Variants in NPAS2 observed in about 807,000 individuals in gnomAD.
NPAS2 encodes the protein neuronal PAS domain protein 2, also known as neuronal PAS domain-containing protein 2.
In NPAS2, 23 loss-of-function variants were observed where a neutral mutation model predicts 107.5. That is an observed-to-expected ratio of 0.21 (90% CI 0.15 to 0.30). The LOEUF (loss-of-function observed/expected upper bound fraction) is 0.30. Among genes scored for constraint, NPAS2 ranks in the 10% least tolerant of loss-of-function variants. NPAS2 has a pLI of 1.00. For synonymous variants in NPAS2, 403 were observed against 417.5 expected, an observed-to-expected ratio of 0.97 and a Z score of 0.42; for missense variants, 756 against 1,043.3, an observed-to-expected ratio of 0.72 and a Z score of 3.79.
chr2:100,885,861 A>C (rs1252843335), intron 1 of NPAS2, among the ~76,000 whole-genome samples: 2 of 152,026 alleles, frequency 1.3e-5, no homozygotes, highest in Non-Finnish European at 2.9e-5. Context: ...CAGCCTAGCC[A>C]TGTTGGCCAG....
intron 1 of NPAS2, among the ~76,000 whole-genome samples, chr2:100,866,223 T>C (rs1679243900): frequency 6.6e-6 from 1 of 152,206 alleles, no homozygotes; most frequent in Admixed American, 6.5e-5. Flanking sequence ...AAAGCATTCT[T>C]ACTCATCTTC....
At chr2:100,865,618 T>A (rs966776079) in intron 1 of NPAS2, among the ~76,000 whole-genome samples, 2 of 152,146 alleles carry the variant, frequency 1.3e-5, no homozygotes, top group African/African-American at 4.8e-5. Flanking sequence ...CTCAGAACCC[T>A]TGTTGAAAAT....
intron 5 of NPAS2, among the ~76,000 whole-genome samples, chr2:100,943,257 A>G (rs896524400): frequency 1.3e-5 from 2 of 152,234 alleles, no homozygotes; most frequent in Non-Finnish European, 1.5e-5. Flanking sequence ...AAGGTGTCTC[A>G]TGGAGTTGTA....
At chr2:100,921,356 C>T (rs936018366) in intron 2 of NPAS2, among the ~76,000 whole-genome samples, 1 of 152,154 alleles carries the variant, frequency 6.6e-6, no homozygotes, top group Non-Finnish European at 1.5e-5. Context: ...ACATGGTGCC[C>T]GTTACATACA....
chr2:100,882,921 T>G (rs1180817854), intron 1 of NPAS2, among the ~76,000 whole-genome samples: 1 of 152,200 alleles, frequency 6.6e-6, no homozygotes, highest in East Asian at 1.9e-4. Flanking sequence ...CCACTCCTTT[T>G]ACCTGTGTTT....
intron 14 of NPAS2, 48 bp downstream of exon 14, chr2:100,975,615 G>A: frequency 7.1e-7 from 1 of 1,405,814 alleles, no homozygotes; most frequent in Non-Finnish European, 9.8e-7. Context: ...CTACAATGTG[G>A]TGGGGGCTGC....
At chr2:100,859,605 G>A (rs1289670344) in intron 1 of NPAS2, among the ~76,000 whole-genome samples, 1 of 152,192 alleles carries the variant, frequency 6.6e-6, no homozygotes, top group Non-Finnish European at 1.5e-5. Flanking sequence ...CGCCAGGGGA[G>A]CGAGCAGAGC....
At chr2:100,935,195 C>A in intron 4 of NPAS2, 1 of 632,192 alleles carries the variant, frequency 1.6e-6, no homozygotes, top group Non-Finnish European at 2.0e-6. Flanking sequence ...CAAAAGGAGC[C>A]AAAGTGCCTG....
intron 3 of NPAS2, among the ~76,000 whole-genome samples, chr2:100,925,823 A>G (rs972288826): frequency 2.6e-5 from 4 of 152,200 alleles, no homozygotes; most frequent in Admixed American, 1.3e-4. Context: ...AAAATTCACC[A>G]TTTTAAAGTG....
At chr2:100,845,961 C>T (rs1426216015) in intron 1 of NPAS2, among the ~76,000 whole-genome samples, 11 of 152,220 alleles carry the variant, frequency 7.2e-5, no homozygotes, top group Admixed American at 7.2e-4. Flanking sequence ...GAACCGACCC[C>T]TCCTTCAGTC....
chr2:100,984,401 A>G (rs1677656468), intron 16 of NPAS2: 1 of 152,264 alleles, frequency 6.6e-6, no homozygotes, highest in South Asian at 2.1e-4. Context: ...AGATAAAATA[A>G]GAATGACAAA....
chr2:100,874,940 G>A (rs757242238), intron 1 of NPAS2, among the ~76,000 whole-genome samples: 1 of 152,076 alleles, frequency 6.6e-6, no homozygotes, highest in African/African-American at 2.4e-5. Context: ...CGGTGACTGT[G>A]GTGGGCCTCA....
chr2:100,931,766 G>C (rs2104935965), intron 3 of NPAS2, among the ~76,000 whole-genome samples: 1 of 152,228 alleles, frequency 6.6e-6, no homozygotes, highest in African/African-American at 2.4e-5. Context: ...TTACAGGCGT[G>C]AGCCACCGCG....
intron 3 of NPAS2, among the ~76,000 whole-genome samples, chr2:100,932,165 C>T (rs1305209350): frequency 1.3e-5 from 2 of 152,136 alleles, no homozygotes; most frequent in African/African-American, 2.4e-5. Flanking sequence ...TACATTTGAG[C>T]CACCTATAAT....
At chr2:100,982,055 G>A (rs2105280000) in intron 15 of NPAS2, among the ~76,000 whole-genome samples, 176 bp from the exon 16 acceptor site, 1 of 152,330 alleles carries the variant, frequency 6.6e-6, no homozygotes. Context: ...AGGATGCCCA[G>A]ACCTCATCTG....
chr2:100,826,043 C>T (rs567137349), intron 1 of NPAS2, among the ~76,000 whole-genome samples: 4 of 152,338 alleles, frequency 2.6e-5, no homozygotes, highest in African/African-American at 9.6e-5. Context: ...TAGCCAAAAG[C>T]ATCCCATAAC....
intron 1 of NPAS2, among the ~76,000 whole-genome samples, chr2:100,845,580 G>C (rs1025913875): frequency 6.6e-6 from 1 of 152,220 alleles, no homozygotes; most frequent in Non-Finnish European, 1.5e-5. Flanking sequence ...GTGGATGCCA[G>C]CTGGGGCCAC....
chr2:100,843,088 G>A (rs918101277), intron 1 of NPAS2, among the ~76,000 whole-genome samples: 66 of 152,124 alleles, frequency 4.3e-4, no homozygotes, highest in African/African-American at 1.4e-3. Flanking sequence ...GTGTGGTGGT[G>A]CATGCCTGTA....
chr2:100,964,184 C>G lies in NPAS2; in HGVS notation c.717+8C>G. The G allele has an allele frequency of 6.5e-7, 1 of 1,537,768 alleles. No individual in the cohort carries two copies. Among genetic ancestry groups the G allele is most frequent in the Non-Finnish European group, 9.0e-7 (1 of 1,110,206 alleles). ...ACACCACAATTCTTAAAGGCAAGTA[C>G]CTGAGAGGCAGTTCATTGTGCGGAG... On this transcript the variant is annotated splice_region_variant and intron_variant, in intron 8 of 20. Transcript: ENST00000335681.
Sources: allele counts gnomAD v4.1 joint callset (sites outside exome capture counted in the v4.1 genomes callset), GRCh38; gene constraint gnomAD v4.1.1; transcripts MANE v1.5; gene names NCBI Gene and HGNC (gene_info 2026-07-23, HGNC 2026-07-21).